Variants in DCAF10 observed in about 807,000 individuals in gnomAD.
The protein encoded by DCAF10 is DDB1 and CUL4 associated factor 10.
In DCAF10, 19 loss-of-function variants were observed where a neutral mutation model predicts 51.9. The observed-to-expected ratio is 0.37, with a 90% CI of 0.26 to 0.54. DCAF10 has a LOEUF of 0.54. DCAF10 is among the 20% of genes least tolerant of loss of function. The pLI, the probability that DCAF10 is intolerant of heterozygous loss-of-function variation, is 0.87. For synonymous variants in DCAF10, 291 were observed against 297.1 expected (o/e 0.98, Z 0.21); for missense variants, 510 against 730.6 (o/e 0.70, Z 3.48).
upstream of DCAF10, chr9:37,800,734 G>A (rs1197294240): frequency 9.8e-6 from 15 of 1,534,718 alleles, no homozygotes; most frequent in Non-Finnish European, 1.2e-5. Context: ...CCGGCGGACG[G>A]TGGCCGAGGG....
intron 3 of DCAF10, among the ~76,000 whole-genome samples, chr9:37,846,416 C>G (rs1274392920): frequency 6.6e-6 from 1 of 152,058 alleles, no homozygotes; most frequent in African/African-American, 2.4e-5. Flanking sequence ...CAGATAGACA[C>G]CTAAGGAGTC....
chr9:37,818,080 C>T (rs764368152), intron 1 of DCAF10, among the ~76,000 whole-genome samples: 16 of 151,992 alleles, frequency 1.1e-4, no homozygotes, highest in Non-Finnish European at 1.9e-4. Flanking sequence ...GCAACCTCCG[C>T]CTCCTGGGTT....
At chr9:37,833,868 A>AT (rs1157590543) in intron 2 of DCAF10, among the ~76,000 whole-genome samples, 19 of 152,296 alleles carry the variant, frequency 1.2e-4, no homozygotes, top group African/African-American at 4.6e-4. Context: ...TGGGATAAAA[A>AT]TTGTTCTAGG....
At chr9:37,838,754 C>T (rs950353879) in intron 2 of DCAF10, among the ~76,000 whole-genome samples, 2 of 151,402 alleles carry the variant, frequency 1.3e-5, no homozygotes, top group African/African-American at 2.4e-5. Context: ...AGCTGGGCAT[C>T]GCAGCGGGCA....
At chr9:37,828,969 C>A (rs998016255) in intron 2 of DCAF10, among the ~76,000 whole-genome samples, 3 of 152,110 alleles carry the variant, frequency 2.0e-5, no homozygotes, top group African/African-American at 7.2e-5. Flanking sequence ...AAGCATAAAT[C>A]ATTAAGGATT....
At position 37,801,544 on chromosome 9, in the gene DCAF10, G is replaced by A; in HGVS notation, c.539+139G>A. 1.3e-5 allele frequency: 14 copies of A among 1,085,220 alleles called. No individual in the cohort carries two copies. Among genetic ancestry groups the A allele is most frequent in the African/African-American group, 1.7e-5 (1 of 60,022 alleles). The allele number at this position is 1,085,220 out of a possible 1,614,324, so 67.2% of individuals were successfully genotyped here. On this transcript the variant is annotated intron_variant, in intron 1 of 6. Coordinates refer to ENST00000377724, the MANE Select transcript of DCAF10 (RefSeq NM_024345.5). This position sits in a 1 kb window ranked among gnomAD's most constrained non-coding sequence, Gnocchi z 5.5. ...GGGCCGCTGGCCTTCGTGCCTCCTG[G>A]CACTTTCTGAAGCGCATTCTCGCCC...
At chr9:37,807,412 A>T (rs1349183203) in intron 1 of DCAF10, among the ~76,000 whole-genome samples, 1 of 152,124 alleles carries the variant, frequency 6.6e-6, no homozygotes, top group Non-Finnish European at 1.5e-5. Flanking sequence ...GAAGGGCTTT[A>T]TCTAGTTTCC....
At chr9:37,832,430 C>T (rs1225154093) in intron 2 of DCAF10, among the ~76,000 whole-genome samples, 1 of 151,982 alleles carries the variant, frequency 6.6e-6, no homozygotes, top group Non-Finnish European at 1.5e-5. Flanking sequence ...TGCATGCCAG[C>T]CTGGGCAACA....
intron 2 of DCAF10, 78 bp from the exon 3 acceptor site, chr9:37,842,011 A>G: frequency 6.5e-6 from 9 of 1,380,176 alleles, no homozygotes; most frequent in South Asian, 1.4e-5. Context: ...ACTAGGTAAT[A>G]TAGTGACTGT....
chr9:37,818,309 T>C (rs1013866714), intron 1 of DCAF10, among the ~76,000 whole-genome samples: 3 of 152,184 alleles, frequency 2.0e-5, no homozygotes, highest in Non-Finnish European at 2.9e-5. Context: ...TTCAACTTAA[T>C]GGTTGTTTTT....
At chr9:37,830,109 G>A (rs1315999844) in intron 2 of DCAF10, among the ~76,000 whole-genome samples, 1 of 152,110 alleles carries the variant, frequency 6.6e-6, no homozygotes, top group Admixed American at 6.6e-5. Context: ...AGTTGGAAAC[G>A]AATGTCTATC....
At chr9:37,819,175 G>T (rs1829632646) in intron 1 of DCAF10, 113 bp from the exon 2 acceptor site, 1 of 727,852 alleles carries the variant, frequency 1.4e-6, no homozygotes. Flanking sequence ...CTACTAACAT[G>T]GGCAAAAAAA....
rs990245976 is a variant in DCAF10 at position 37,850,776 on chromosome 9, G to A, written c.852-4004G>A. Reference sequence around the variant, plus strand: ...TATATATAATTGAAATTTGTTAAAAGTAGATTTTAAGTTTTATCATCATAA... The same window carrying A: ...TATATATAATTGAAATTTGTTAAAAATAGATTTTAAGTTTTATCATCATAA... On this transcript the variant is annotated intron_variant, in intron 3 of 6. Transcript: ENST00000377724. 3.5e-4 allele frequency among the ~76,000 whole-genome samples: 47 copies of A among 133,008 alleles called. 1 individual carries two copies. The highest frequency in any genetic ancestry group is 1.3e-3 in the African/African-American group (45 of 35,832). 87.3% of individuals were successfully genotyped at this position (133,008 alleles called of 152,430 possible).
rs941225551 is a variant in DCAF10 at position 37,864,593 on chromosome 9, A to T, written c.*3085A>T. 2.7e-5 allele frequency: 4 copies of T among 148,274 alleles called. No individual in the cohort carries two copies. The highest frequency in any genetic ancestry group is 6.7e-5 in the Admixed American group (1 of 14,828). The allele number at this position is 148,274 out of a possible 1,614,324, so 9.2% of individuals were successfully genotyped here. A position where few individuals can be genotyped will look rare whatever the true frequency, so the allele number is the denominator to read the frequency against. The stretch of plus-strand genomic sequence containing the variant: ...AGCGAGACTCTGCCTCAAAAAAAAA[A>T]AAAAAAATAAAATAAAATAAAATTA... On this transcript the variant is annotated 3_prime_UTR_variant, in exon 7 of 7. Coordinates refer to ENST00000377724, the MANE Select transcript of DCAF10 (RefSeq NM_024345.5).
chr9:37,852,376 C>A (rs1359020835), intron 3 of DCAF10, among the ~76,000 whole-genome samples: 1 of 152,142 alleles, frequency 6.6e-6, no homozygotes, highest in Non-Finnish European at 1.5e-5. Flanking sequence ...GTGGGAGGAT[C>A]ACTTGAGACC....
chr9:37,848,526 T>C (rs28883343), intron 3 of DCAF10, among the ~76,000 whole-genome samples: 4,468 of 152,260 alleles, frequency 0.029, 218 homozygotes, highest in African/African-American at 0.1. Flanking sequence ...GGTAAATCTA[T>C]AGAGACAGAA....
chr9:37,848,491 CTATT>C (rs1334604181), intron 3 of DCAF10, among the ~76,000 whole-genome samples: 1 of 152,148 alleles, frequency 6.6e-6, no homozygotes, highest in East Asian at 1.9e-4. Context: ...CTGTACGATT[CTATT>C]TATATGAAAT....
chr9:37,808,435 A>T (rs973429564), intron 1 of DCAF10, among the ~76,000 whole-genome samples: 4 of 138,758 alleles, frequency 2.9e-5, no homozygotes, highest in Middle Eastern at 3.6e-3. Context: ...AAATATATAT[A>T]TTATATTATG....
intron 1 of DCAF10, among the ~76,000 whole-genome samples, chr9:37,807,194 T>A (rs1025369500): frequency 6.6e-6 from 1 of 152,184 alleles, no homozygotes; most frequent in Admixed American, 6.5e-5. Flanking sequence ...TGATTTCTTT[T>A]TTTTAGGCCA....
Sources: gnomAD v4.1 joint callset for allele counts (sites outside exome capture counted in the v4.1 genomes callset) on GRCh38, gnomAD v4.1.1 for gene constraint, Gnocchi (gnomAD v3.1) non-coding constraint, MANE v1.5 for transcripts, NCBI Gene and HGNC (gene_info 2026-07-23, HGNC 2026-07-21) for gene names.